The following INSC variants were observed in gnomAD, a reference collection of about 807,000 sequenced individuals.
INSC encodes the protein INSC spindle orientation adaptor protein.
INSC carries 67 observed loss-of-function variants against 58.6 expected under a neutral mutation model. The ratio of observed to expected loss-of-function variants is 1.14; its 90% CI spans 0.94 to 1.40. The LOEUF is 1.40. INSC is among the 40% of genes most tolerant of loss of function. The probability of loss-of-function intolerance (pLI) is 0.00; values close to 1 mark genes in which losing one functional copy is unlikely to be tolerated. For synonymous variants in INSC, 262 were observed against 276.1 expected, an observed-to-expected ratio of 0.95 and a Z score of 0.51; for missense variants, 714 against 692.0, an observed-to-expected ratio of 1.03 and a Z score of -0.36.
At chr11:15,241,290 C>G (rs909999103) in intron 12 of INSC, among the ~76,000 whole-genome samples, 1 of 152,134 alleles carries the variant, frequency 6.6e-6, no homozygotes, top group African/African-American at 2.4e-5. Context: ...CTCTTGTGTT[C>G]AAAGAACATA....
intron 10 of INSC, among the ~76,000 whole-genome samples, chr11:15,236,633 C>G (rs1852142258): frequency 6.6e-6 from 1 of 152,136 alleles, no homozygotes; most frequent in Non-Finnish European, 1.5e-5. Flanking sequence ...TGCCAAAGGA[C>G]AAGGTGGTGG....
At chr11:15,176,214 A>T (rs1311004639) in intron 3 of INSC, 128 bp downstream of exon 3, 2 of 750,452 alleles carry the variant, frequency 2.7e-6, no homozygotes, top group Non-Finnish European at 4.2e-6. Context: ...CCAGTAAAGG[A>T]GGAAAGAAAG....
chr11:15,190,693 C>T lies in INSC; in HGVS notation c.580-8C>T. ...TAACTACTAGCTAACTTTTCTCTCT[C>T]TTCTTAGGCACTGGTGAGAAAAATT... On this transcript the variant is annotated splice_region_variant and splice_polypyrimidine_tract_variant and intron_variant, in intron 5 of 12. Coordinates refer to ENST00000379556, the MANE Select transcript of INSC (RefSeq NM_001042536.3). The T allele has an allele frequency of 6.2e-7, 1 of 1,601,708 alleles. No homozygotes were observed. The highest frequency in any genetic ancestry group is 8.6e-7 in the Non-Finnish European group (1 of 1,168,672).
At chr11:15,209,990 C>T (rs926383406) in intron 7 of INSC, among the ~76,000 whole-genome samples, 1 of 152,216 alleles carries the variant, frequency 6.6e-6, no homozygotes, top group Non-Finnish European at 1.5e-5. Context: ...TTTGCACCGG[C>T]TTTGCCCGTC....
chr11:15,264,407 G>A, the INSC span, among the ~76,000 whole-genome samples: 2 of 146,088 alleles, frequency 1.4e-5, no homozygotes, highest in Non-Finnish European at 3.0e-5. Context: ...GATACTCCAA[G>A]GTACTCTTTT....
At chr11:15,249,730 C>T (rs539369921), downstream of INSC, among the ~76,000 whole-genome samples, 1 of 152,170 alleles carries the variant, frequency 6.6e-6, no homozygotes. Flanking sequence ...AGAAGAGTCT[C>T]CATCTTCTAC....
At chr11:15,178,629 G>A (rs1483275213) in intron 5 of INSC, among the ~76,000 whole-genome samples, 182 bp downstream of exon 5, 1 of 152,218 alleles carries the variant, frequency 6.6e-6, no homozygotes, top group Non-Finnish European at 1.5e-5. Flanking sequence ...GCTGGGCTGA[G>A]GCTTCCTGAG....
chr11:15,140,929 C>T (rs987355823), intron 1 of INSC, among the ~76,000 whole-genome samples: 26 of 152,172 alleles, frequency 1.7e-4, no homozygotes, highest in East Asian at 7.7e-4. Flanking sequence ...CATGTTAACC[C>T]GTCTGTGCTT....
chr11:15,183,874 C>T (rs1217487289), intron 5 of INSC, among the ~76,000 whole-genome samples: 2 of 152,112 alleles, frequency 1.3e-5, no homozygotes, highest in African/African-American at 4.8e-5. Flanking sequence ...CAATTAAAGT[C>T]TATTTTGCCA....
intron 1 of INSC, among the ~76,000 whole-genome samples, chr11:15,134,375 A>G (rs769995545): frequency 1.3e-5 from 2 of 152,238 alleles, no homozygotes; most frequent in Non-Finnish European, 2.9e-5. Flanking sequence ...GAATGACCTG[A>G]CTATAGTAAA....
chr11:15,179,744 G>T (rs1849695927), intron 5 of INSC, among the ~76,000 whole-genome samples: 1 of 152,238 alleles, frequency 6.6e-6, no homozygotes, highest in East Asian at 1.9e-4. Context: ...ACAATCACAT[G>T]CAGGGGCAGG....
intron 5 of INSC, among the ~76,000 whole-genome samples, chr11:15,180,057 C>T (rs1028649120): frequency 6.6e-6 from 1 of 152,114 alleles, no homozygotes; most frequent in Admixed American, 6.5e-5. Context: ...GAGATCGAAA[C>T]CATCCTGGCT....
chr11:15,207,834 C>T (rs559071102), intron 7 of INSC, among the ~76,000 whole-genome samples: 1 of 152,320 alleles, frequency 6.6e-6, no homozygotes, highest in African/African-American at 2.4e-5. Flanking sequence ...ATTTGCTTTT[C>T]ACGGTCATTT....
chr11:15,134,293 A>T (rs560546590), intron 1 of INSC, among the ~76,000 whole-genome samples: 1 of 152,304 alleles, frequency 6.6e-6, no homozygotes, highest in South Asian at 2.1e-4. Flanking sequence ...ACGATGACAC[A>T]ATGCCAAGAT....
chr11:15,164,219 T>C (rs1443226785), intron 2 of INSC, among the ~76,000 whole-genome samples: 1 of 152,260 alleles, frequency 6.6e-6, no homozygotes, highest in Non-Finnish European at 1.5e-5. Flanking sequence ...ATATATGGGA[T>C]GAGACTACAA....
At chr11:15,222,133 C>T (rs73426564) in intron 8 of INSC, among the ~76,000 whole-genome samples, 2,109 of 152,260 alleles carry the variant, frequency 0.014, 49 homozygotes, top group African/African-American at 0.048. Flanking sequence ...TATCATGGGG[C>T]CTTGAAAGCA....
At chr11:15,126,252 G>A (rs1300860622) in intron 1 of INSC, among the ~76,000 whole-genome samples, 1 of 152,168 alleles carries the variant, frequency 6.6e-6, no homozygotes. Flanking sequence ...TTGGCCTTTA[G>A]GCCAGCAGGA....
At chr11:15,156,551 C>T (rs1301262521) in intron 2 of INSC, among the ~76,000 whole-genome samples, 1 of 152,134 alleles carries the variant, frequency 6.6e-6, no homozygotes, top group Non-Finnish European at 1.5e-5. Flanking sequence ...GTTAATTAAG[C>T]CATTAAGATT....
intron 9 of INSC, 63 bp downstream of exon 9, chr11:15,225,891 C>T: frequency 6.6e-7 from 1 of 1,510,228 alleles, no homozygotes; most frequent in Admixed American, 2.0e-5. Context: ...GTTAGGAGGC[C>T]AGCACGTAGT....
Sources: gnomAD v4.1 joint callset for allele counts (sites outside exome capture counted in the v4.1 genomes callset) on GRCh38, gnomAD v4.1.1 for gene constraint, MANE v1.5 for transcripts, NCBI Gene and HGNC (gene_info 2026-07-23, HGNC 2026-07-21) for gene names.